MICAL3: variants seen among roughly 807,000 people sequenced by gnomAD.
The protein encoded by MICAL3 is [F-actin]-monooxygenase MICAL3.
A neutral mutation model predicts 207.4 loss-of-function variants in MICAL3; 62 were observed. The observed-to-expected ratio is 0.30, with a 90% CI of 0.24 to 0.37. The LOEUF is 0.37. MICAL3 is among the 10% of genes least tolerant of loss of function. The pLI is 1.00. For missense variants in MICAL3, 2,368 were observed against 2,635.6 expected, an observed-to-expected ratio of 0.90 and a Z score of 2.22; for synonymous variants, 1,077 against 1,069.3, an observed-to-expected ratio of 1.01 and a Z score of -0.14.
At chr22:17,952,291 C>A (rs1047700559) in intron 1 of MICAL3, among the ~76,000 whole-genome samples, 3 of 152,196 alleles carry the variant, frequency 2.0e-5, no homozygotes, top group Non-Finnish European at 4.4e-5. Flanking sequence ...CATCACCCCA[C>A]TCTCCTCGCC....
chr22:17,841,311 G>C lies in MICAL3; in HGVS notation c.2801+511C>G, dbSNP rs147175190. ...CATCCCCAAAGGTGTCACCCAGCTG[G>C]ATGTGATTACAGCTCTGGAACTGCC... On this transcript the variant is annotated intron_variant, in intron 20 of 31. Coordinates refer to ENST00000441493, the MANE Select transcript of MICAL3 (RefSeq NM_015241.3). This position sits in a 1 kb window ranked among gnomAD's most constrained non-coding sequence, Gnocchi z 4.2. 1.8e-3 allele frequency: 326 copies of C among 185,794 alleles called. No homozygotes were observed. Among genetic ancestry groups the C allele is most frequent in the African/African-American group, 6.8e-3 (293 of 43,118 alleles). The allele number at this position is 185,794 out of a possible 1,614,324, so 11.5% of individuals were successfully genotyped here. A position where few individuals can be genotyped will look rare whatever the true frequency, so the allele number is the denominator to read the frequency against.
chr22:17,825,207 G>A (rs1365004704), intron 22 of MICAL3, among the ~76,000 whole-genome samples: 3 of 152,144 alleles, frequency 2.0e-5, no homozygotes, highest in East Asian at 3.9e-4. Context: ...AGTCAGGCGG[G>A]TGAGAAGTCT....
At chr22:17,842,821 T>C (rs1924182744) in intron 19 of MICAL3, among the ~76,000 whole-genome samples, 1 of 152,126 alleles carries the variant, frequency 6.6e-6, no homozygotes, top group Admixed American at 6.5e-5. Flanking sequence ...ACCAGGTGAT[T>C]TTAAAATCCC....
chr22:17,887,118 A>G, intron 15 of MICAL3, 52 bp downstream of exon 15: 1 of 1,435,156 alleles, frequency 7.0e-7, no homozygotes, highest in Non-Finnish European at 9.8e-7. Flanking sequence ...AATTTTAACC[A>G]AAAGGGGCTA....
At position 17,987,106 on chromosome 22, in the gene MICAL3, G is replaced by T. The variant is rs936044437; in HGVS notation, c.-75+37175C>A. Among the ~76,000 whole-genome samples, 6 of 152,098 alleles carry T rather than the reference G, an allele frequency of 3.9e-5. No homozygotes were observed. In the East Asian group the frequency reaches 1.2e-3, roughly 29 times the overall value. On this transcript the variant is annotated intron_variant, in intron 1 of 31. Coordinates refer to ENST00000441493, the MANE Select transcript of MICAL3 (RefSeq NM_015241.3). ...TAAAAAAAAAATTGTCCAGGCATAGGGGTGCATGCCTGTAGTCCCAGCTAC... is the reference window on the plus strand; with the variant it reads ...TAAAAAAAAAATTGTCCAGGCATAGTGGTGCATGCCTGTAGTCCCAGCTAC...
chr22:17,908,826 G>C (rs1027233605), intron 1 of MICAL3, among the ~76,000 whole-genome samples: 7 of 152,186 alleles, frequency 4.6e-5, no homozygotes, highest in African/African-American at 1.4e-4. Context: ...CAGGCATGTA[G>C]AAGCAAGAGA....
At position 17,790,636 on chromosome 22, in the gene MICAL3, A is replaced by G; in HGVS notation, c.*96T>C. 8.8e-7 allele frequency: 1 copy of G among 1,136,056 alleles called. No homozygotes were observed. Among genetic ancestry groups the G allele is most frequent in the Non-Finnish European group, 1.2e-6 (1 of 807,896 alleles). The allele number at this position is 1,136,056 out of a possible 1,614,324, so 70.4% of individuals were successfully genotyped here. A position where few individuals can be genotyped will look rare whatever the true frequency, so the allele number is the denominator to read the frequency against. On this transcript the variant is annotated 3_prime_UTR_variant, in exon 32 of 32. Coordinates refer to ENST00000441493, the MANE Select transcript of MICAL3 (RefSeq NM_015241.3). ...GGGCATCTGAGCGTAAACTCCAAGG[A>G]GGTGCCAGGCCTCCTCAGATCGCGG...
intron 25 of MICAL3, among the ~76,000 whole-genome samples, chr22:17,820,601 G>T (rs571442319): frequency 6.6e-6 from 1 of 152,254 alleles, no homozygotes; most frequent in South Asian, 2.1e-4. Context: ...TGATCTGCCT[G>T]CCTTGGCCTC....
chr22:17,981,214 G>C (rs567415385), intron 1 of MICAL3, among the ~76,000 whole-genome samples: 1 of 151,078 alleles, frequency 6.6e-6, no homozygotes, highest in African/African-American at 2.4e-5. Flanking sequence ...AAAGCACATA[G>C]GAATAAAATC....
At chr22:17,860,994 T>G in intron 19 of MICAL3, 1 of 985,040 alleles carries the variant, frequency 1.0e-6, no homozygotes, top group South Asian at 4.7e-5. Context: ...TCTATATACA[T>G]ACAAACGTGT....
intron 1 of MICAL3, among the ~76,000 whole-genome samples, chr22:18,020,613 TAAAA>T (rs55654559): frequency 0.013 from 1,594 of 119,734 alleles, 46 homozygotes; most frequent in African/African-American, 0.051. Flanking sequence ...CTTTAAAAAG[TAAAA>T]AAAAAAAAAA....
Position 17,818,999 on chromosome 22 carries a change from G to T in MICAL3, c.3662C>A (p.Ser1221Tyr). Residue 1221 changes from serine (S) to tyrosine (Y), a missense_variant, in exon 26 of 32, where the codon TCT becomes TAT. Physicochemically the swap from Ser to Tyr is moderately radical, Grantham distance 144. Coordinates refer to ENST00000441493, the MANE Select transcript of MICAL3 (RefSeq NM_015241.3). ...GGTCACTGGCTGTGATCGGATGGGA[G>T]AGTGCACAGCTTTCAGATCCGAGGG... ...DAPSDLKAVH[S>Y]PIRSQPVTLP... The T allele has an allele frequency of 3.1e-6, 5 of 1,609,866 alleles. No homozygotes were observed. The highest frequency in any genetic ancestry group is 4.2e-6 in the Non-Finnish European group (5 of 1,178,224).
chr22:17,837,705 C>T (rs957825314), intron 20 of MICAL3, among the ~76,000 whole-genome samples: 1 of 152,206 alleles, frequency 6.6e-6, no homozygotes, highest in South Asian at 2.1e-4. Context: ...GGGTCTGTGA[C>T]AAGGCTTGGG....
chr22:17,897,088 C>T, intron 7 of MICAL3, 107 bp from the exon 8 acceptor site: 1 of 1,341,342 alleles, frequency 7.5e-7, no homozygotes, highest in Non-Finnish European at 1.0e-6. Context: ...TAAAGTGACT[C>T]CACGTTCCAA....
chr22:17,791,130 C>G (rs924077761), intron 30 of MICAL3, 59 bp from the exon 31 acceptor site: 1 of 1,604,480 alleles, frequency 6.2e-7, no homozygotes, highest in Non-Finnish European at 8.5e-7. Flanking sequence ...CCCCTCACCC[C>G]CAAATCTGGA....
At chr22:17,858,037 T>C (rs1162660502) in intron 19 of MICAL3, among the ~76,000 whole-genome samples, 1 of 152,222 alleles carries the variant, frequency 6.6e-6, no homozygotes, top group East Asian at 1.9e-4. Flanking sequence ...GATGTGGAAG[T>C]TGGCCCACAG....
At chr22:17,919,076 G>GGTT (rs554897747) in intron 1 of MICAL3, among the ~76,000 whole-genome samples, 2 of 136,504 alleles carry the variant, frequency 1.5e-5, no homozygotes, top group Non-Finnish European at 3.1e-5. Context: ...GTTTTTGTGG[G>GGTT]TTTTTTTTTT....
intron 1 of MICAL3, among the ~76,000 whole-genome samples, chr22:17,986,319 G>C (rs1223513549): frequency 6.6e-6 from 1 of 152,298 alleles, no homozygotes; most frequent in East Asian, 1.9e-4. Flanking sequence ...TCAGGAGTTC[G>C]AGACCAGCCT....
chr22:17,991,194 G>C (rs1386526925), intron 1 of MICAL3, among the ~76,000 whole-genome samples: 1 of 152,234 alleles, frequency 6.6e-6, no homozygotes, highest in Non-Finnish European at 1.5e-5. Context: ...CCAGATGACA[G>C]GCCTGGGAGG....
Sources: gnomAD v4.1 joint callset for allele counts (sites outside exome capture counted in the v4.1 genomes callset) on GRCh38, gnomAD v4.1.1 for gene constraint, Gnocchi (gnomAD v3.1) non-coding constraint, MANE v1.5 for transcripts, NCBI Gene and HGNC (gene_info 2026-07-23, HGNC 2026-07-21) for gene names.